Variants in ADCK1 observed in about 807,000 individuals in gnomAD.
The protein encoded by ADCK1 is aarF domain-containing protein kinase 1.
Under a neutral mutation model 52.3 loss-of-function variants are expected in ADCK1, and 41 were observed. That is an observed-to-expected ratio of 0.78 (90% CI 0.61 to 1.02). The LOEUF is 1.02. ADCK1 is among the 50% of genes least tolerant of loss of function. The probability of loss-of-function intolerance (pLI) is 0.00; values close to 1 mark genes in which losing one functional copy is unlikely to be tolerated. For synonymous variants in ADCK1, 250 were observed against 274.6 expected, an observed-to-expected ratio of 0.91 and a Z score of 0.89; for missense variants, 658 against 679.5, an observed-to-expected ratio of 0.97 and a Z score of 0.35.
At chr14:77,868,955 G>A (rs1464551644) in intron 4 of ADCK1, among the ~76,000 whole-genome samples, 1 of 152,174 alleles carries the variant, frequency 6.6e-6, no homozygotes, top group African/African-American at 2.4e-5. Context: ...TGATGGTTGG[G>A]AAGTTCAGGG....
chr14:77,903,297 T>A (rs2083588528), intron 6 of ADCK1, among the ~76,000 whole-genome samples: 1 of 152,208 alleles, frequency 6.6e-6, no homozygotes, highest in South Asian at 2.1e-4. Flanking sequence ...CCAGTTCAGC[T>A]CTTAAAACTG....
intron 1 of ADCK1, among the ~76,000 whole-genome samples, chr14:77,806,990 C>T (rs1212896591): frequency 1.3e-5 from 2 of 150,342 alleles, no homozygotes; most frequent in Non-Finnish European, 2.9e-5. Flanking sequence ...GTTGGGATTA[C>T]AGGCATGAGC....
At chr14:77,853,598 G>C (rs2082358063) in intron 3 of ADCK1, among the ~76,000 whole-genome samples, 1 of 152,138 alleles carries the variant, frequency 6.6e-6, no homozygotes, top group South Asian at 2.1e-4. Flanking sequence ...CTGACGCAAG[G>C]CCCTTCTGGG....
intron 7 of ADCK1, among the ~76,000 whole-genome samples, chr14:77,913,891 T>C (rs2083855355): frequency 6.6e-6 from 1 of 150,844 alleles, no homozygotes; most frequent in South Asian, 2.1e-4. Flanking sequence ...CAGTGGTCAT[T>C]ATGTGGACTT....
chr14:77,915,570 C>T (rs2083904692), intron 7 of ADCK1, among the ~76,000 whole-genome samples: 1 of 152,064 alleles, frequency 6.6e-6, no homozygotes, highest in African/African-American at 2.4e-5. Flanking sequence ...CCATGGAATA[C>T]TATGCAGCCA....
chr14:77,846,916 AAG>A (rs972148901), intron 3 of ADCK1, among the ~76,000 whole-genome samples: 12 of 152,210 alleles, frequency 7.9e-5, no homozygotes, highest in Non-Finnish European at 1.2e-4. Flanking sequence ...CTCAGACAAA[AAG>A]AGGATTTTGA....
intron 7 of ADCK1, 193 bp downstream of exon 7, chr14:77,908,112 C>T: frequency 2.0e-6 from 1 of 495,278 alleles, no homozygotes; most frequent in Non-Finnish European, 3.6e-6. Flanking sequence ...CCTGTGCACA[C>T]AGCGGCCTGC....
chr14:77,813,152 G>A lies in ADCK1; in HGVS notation c.-11-5816G>A, dbSNP rs149554516. On this transcript the variant is annotated intron_variant, in intron 1 of 10. Coordinates refer to ENST00000238561, the MANE Select transcript of ADCK1 (RefSeq NM_020421.4). ...TTAGTAGCTGGGATTATAGGCATGC[G>A]CCACCATGCCTGGCTAATTTTGTAT... Among the ~76,000 whole-genome samples the A allele has an allele frequency of 7.7e-3, 1,162 of 150,386 alleles. 19 individuals carry two copies. Among genetic ancestry groups the A allele is most frequent in the African/African-American group, 0.027 (1,091 of 40,790 alleles).
At chr14:77,811,846 C>T (rs1431299567) in intron 1 of ADCK1, among the ~76,000 whole-genome samples, 1 of 151,934 alleles carries the variant, frequency 6.6e-6, no homozygotes, top group Non-Finnish European at 1.5e-5. Context: ...AATGATAACA[C>T]CCAAAAATAA....
intron 1 of ADCK1, among the ~76,000 whole-genome samples, chr14:77,818,333 G>A (rs2081507321): frequency 6.6e-6 from 1 of 152,068 alleles, no homozygotes; most frequent in Non-Finnish European, 1.5e-5. Flanking sequence ...CCAGGCTGGA[G>A]TGTGGTGGCA....
At chr14:77,914,987 A>G (rs1402692280) in intron 7 of ADCK1, among the ~76,000 whole-genome samples, 1 of 151,882 alleles carries the variant, frequency 6.6e-6, no homozygotes, top group Non-Finnish European at 1.5e-5. Context: ...TCCCCTTGTC[A>G]CCACCTCCAG....
At chr14:77,915,183 CTT>C (rs34034949) in intron 7 of ADCK1, among the ~76,000 whole-genome samples, 23,000 of 145,720 alleles carry the variant, frequency 0.16, 1,826 homozygotes, top group Middle Eastern at 0.29. Flanking sequence ...TGGACCAAAT[CTT>C]TTTTTTTTTT....
chr14:77,864,920 T>C (rs1400555579), intron 4 of ADCK1, among the ~76,000 whole-genome samples: 1 of 152,174 alleles, frequency 6.6e-6, no homozygotes, highest in Non-Finnish European at 1.5e-5. Flanking sequence ...TTCAGACCCT[T>C]ATCTGATTGC....
At chr14:77,849,264 G>T (rs2082235175) in intron 3 of ADCK1, among the ~76,000 whole-genome samples, 1 of 152,134 alleles carries the variant, frequency 6.6e-6, no homozygotes, top group Non-Finnish European at 1.5e-5. Context: ...TGCAGAGACA[G>T]GGTCTCTCTA....
chr14:77,855,304 C>T (rs1420303523), intron 3 of ADCK1, among the ~76,000 whole-genome samples: 1 of 152,210 alleles, frequency 6.6e-6, no homozygotes, highest in African/African-American at 2.4e-5. Context: ...TAAATGGATA[C>T]CCCATGTAAT....
intron 1 of ADCK1, among the ~76,000 whole-genome samples, chr14:77,810,985 G>A (rs1198609985): frequency 5.9e-5 from 9 of 151,634 alleles, no homozygotes; most frequent in African/African-American, 1.9e-4. Context: ...ATTTAAGGTC[G>A]GTTTCTGGAT....
chr14:77,842,971 C>T (rs2082106878), intron 3 of ADCK1, among the ~76,000 whole-genome samples: 1 of 148,520 alleles, frequency 6.7e-6, no homozygotes, highest in South Asian at 2.2e-4. Context: ...CTCACTGCAT[C>T]CTCCACCTCC....
chr14:77,802,902 C>T (rs1482179181), intron 1 of ADCK1, among the ~76,000 whole-genome samples: 1 of 151,732 alleles, frequency 6.6e-6, no homozygotes, highest in African/African-American at 2.4e-5. Context: ...TGCAGTGAGC[C>T]GAGATTGCGC....
At chr14:77,848,341 A>T (rs901846246) in intron 3 of ADCK1, among the ~76,000 whole-genome samples, 1 of 152,164 alleles carries the variant, frequency 6.6e-6, no homozygotes, top group African/African-American at 2.4e-5. Context: ...GCTTGGTAAG[A>T]CCTCTAACTT....
Sources: allele counts gnomAD v4.1 joint callset (sites outside exome capture counted in the v4.1 genomes callset), GRCh38; gene constraint gnomAD v4.1.1; transcripts MANE v1.5; gene names NCBI Gene and HGNC (gene_info 2026-07-23, HGNC 2026-07-21).